The following SLC66A2 variants were observed in gnomAD, a reference collection of about 807,000 sequenced individuals.
The protein encoded by SLC66A2 is PQ loop repeat containing 1.
A neutral mutation model predicts 25.5 loss-of-function variants in SLC66A2; 23 were observed. The ratio of observed to expected loss-of-function variants is 0.90; its 90% CI spans 0.65 to 1.28. The LOEUF is 1.28. Ranked by LOEUF, SLC66A2 falls within the 50% of genes most tolerant of loss-of-function variation. The pLI is 0.00. For missense variants in SLC66A2, 396 were observed against 373.1 expected (o/e 1.06, Z -0.51); for synonymous variants, 193 against 166.5 (o/e 1.16, Z -1.23).
intron 5 of SLC66A2, among the ~76,000 whole-genome samples, chr18:79,907,148 T>C (rs1311554297): frequency 6.6e-6 from 1 of 152,220 alleles, no homozygotes. Flanking sequence ...CTTTAATTGG[T>C]ATGATTAGGC....
intron 2 of SLC66A2, chr18:79,943,703 T>C: frequency 2.3e-6 from 1 of 425,792 alleles, no homozygotes; most frequent in Non-Finnish European, 4.2e-6. Flanking sequence ...CCTCTCCTGG[T>C]CCCAAACCTG....
chr18:79,928,553 G>A (rs374850505), intron 4 of SLC66A2, among the ~76,000 whole-genome samples: 4 of 152,258 alleles, frequency 2.6e-5, no homozygotes, highest in East Asian at 3.9e-4. Flanking sequence ...AGTCCCTAAC[G>A]TGTCTTAGGG....
At position 79,909,035 on chromosome 18, in the gene SLC66A2, A is replaced by G. The variant is rs187513992; in HGVS notation, c.609-4852T>C. ...AGCTGAGAAACTCAACTCTTCATAC[A>G]TAACTTTGGTTTTTATCTTGGACAT... On this transcript the variant is annotated intron_variant, in intron 5 of 5. Transcript: ENST00000397778. 1.1e-3 allele frequency among the ~76,000 whole-genome samples: 171 copies of G among 152,308 alleles called. 1 individual carries two copies. The highest frequency in any genetic ancestry group is 3.2e-3 in the African/African-American group (134 of 41,556).
chr18:79,906,349 T>C (rs1472278573), intron 5 of SLC66A2, among the ~76,000 whole-genome samples: 1 of 152,264 alleles, frequency 6.6e-6, no homozygotes, highest in Non-Finnish European at 1.5e-5. Context: ...AGAACTTTTT[T>C]CTAAAATCAG....
At chr18:79,906,127 G>A (rs1275224244) in intron 5 of SLC66A2, among the ~76,000 whole-genome samples, 1 of 152,194 alleles carries the variant, frequency 6.6e-6, no homozygotes, top group Non-Finnish European at 1.5e-5. Context: ...ACCAAATACT[G>A]GGGATCTGTG....
rs552970978 is a variant in SLC66A2, at chr18:79,905,110, C to G, written c.609-927G>C. ...GCAGGAGACAGCCGGCATCTGCACC[C>G]CCTCCTCTCTCCCAAGCCCACAGTG... On this transcript the variant is annotated intron_variant, in intron 5 of 5. Transcript: ENST00000397778. 1.4e-3 allele frequency among the ~76,000 whole-genome samples: 216 copies of G among 152,338 alleles called. 1 individual carries two copies. The highest frequency in any genetic ancestry group is 1.5e-3 in the Non-Finnish European group (100 of 68,016).
intron 5 of SLC66A2, among the ~76,000 whole-genome samples, chr18:79,911,144 G>A (rs1169624574): frequency 1.3e-5 from 2 of 152,230 alleles, no homozygotes; most frequent in South Asian, 2.1e-4. Flanking sequence ...GAGGGAAATC[G>A]GGGGTCGGGG....
chr18:79,933,537 GA>G (rs1326902991), intron 4 of SLC66A2, among the ~76,000 whole-genome samples: 1 of 152,144 alleles, frequency 6.6e-6, no homozygotes, highest in Non-Finnish European at 1.5e-5. Flanking sequence ...CAGTTCAGCA[GA>G]ATTGCATGAT....
In SLC66A2 at chr18:79,904,034, C is replaced by T. The variant is rs756418494; in HGVS notation, c.758G>A (p.Arg253His). The T allele has an allele frequency of 4.9e-5, 79 of 1,604,934 alleles. 3 individuals carry two copies. In the East Asian group the frequency reaches 1.5e-3, roughly 31 times the overall value. Residue 253 changes from arginine (R) to histidine (H), a missense_variant, in exon 6 of 6, where the codon CGC (arginine) becomes CAC (histidine). Coordinates refer to ENST00000397778, the MANE Select transcript of SLC66A2 (RefSeq NM_025078.5). This position sits in a 1 kb window ranked among gnomAD's most constrained non-coding sequence, Gnocchi z 6.3. ...AILGQAYAFA[R>H]HPQKPAPHAV... Reference sequence around the variant, plus strand: ...GTGGGGCGCCGGCTTCTGGGGGTGGCGGGCGAAGGCGTAGGCCTGCCCCAG... The same window carrying T: ...GTGGGGCGCCGGCTTCTGGGGGTGGTGGGCGAAGGCGTAGGCCTGCCCCAG...
At chr18:79,947,121 T>C (rs1217574965) in intron 2 of SLC66A2, 4 of 152,260 alleles carry the variant, frequency 2.6e-5, no homozygotes, top group African/African-American at 9.6e-5. Flanking sequence ...GGTGCTACTG[T>C]GGGTGGAGCT....
chr18:79,938,183 T>C (rs1599632783), intron 3 of SLC66A2, among the ~76,000 whole-genome samples: 3 of 150,964 alleles, frequency 2.0e-5, no homozygotes, highest in East Asian at 1.9e-4. Context: ...AAGAAAAACC[T>C]GCAGGAAGGA....
intron 4 of SLC66A2, among the ~76,000 whole-genome samples, chr18:79,931,171 A>G (rs9950208): frequency 0.9 from 136,399 of 152,268 alleles, 63,077 homozygotes; most frequent in East Asian, 1. Flanking sequence ...GAAAAGGCAT[A>G]GGATATACAG....
chr18:79,951,514 C>A (rs1314933454), intron 1 of SLC66A2, 67 bp downstream of exon 1: 1 of 152,240 alleles, frequency 6.6e-6, no homozygotes, highest in Non-Finnish European at 1.5e-5. Flanking sequence ...CCAACTGCCC[C>A]GGCCCTGCGT....
intron 5 of SLC66A2, among the ~76,000 whole-genome samples, chr18:79,908,896 C>T (rs1982522829): frequency 6.6e-6 from 1 of 152,176 alleles, no homozygotes; most frequent in Non-Finnish European, 1.5e-5. Context: ...CCGTTCATTC[C>T]AAGAACGTTT....
chr18:79,939,203 G>A (rs187462585), intron 3 of SLC66A2, among the ~76,000 whole-genome samples: 120 of 152,222 alleles, frequency 7.9e-4, no homozygotes, highest in African/African-American at 2.7e-3. Flanking sequence ...TATTTCATTA[G>A]GTCGTCTGAC....
In SLC66A2 at chr18:79,904,093, G is replaced by T. The variant is rs756153339; in HGVS notation, c.699C>A (p.Cys233Ter). 6.2e-7 allele frequency: 1 copy of T among 1,612,596 alleles called. No individual in the cohort carries two copies. The highest frequency in any genetic ancestry group is 8.5e-7 in the Non-Finnish European group (1 of 1,179,714). ...LKGAPLQFSV[C>*]GLLQVLVDLA... ...GGTCCACCAGCACCTGCAGCAGGCC[G>T]CACACGGAGAACTGCAGAGGGGCAC... The change falls in exon 6 of 6, where the codon TGC becomes TGA. Residue 233 changes from cysteine (C) to a stop codon, truncating the protein, a stop_gained. Transcript: ENST00000397778. LOFTEE classifies it high-confidence loss of function. The surrounding 1 kb of genome is among the most constrained non-coding windows in gnomAD (Gnocchi z 6.3).
At chr18:79,939,349 G>A (rs1987427672) in intron 3 of SLC66A2, among the ~76,000 whole-genome samples, 1 of 152,126 alleles carries the variant, frequency 6.6e-6, no homozygotes, top group Non-Finnish European at 1.5e-5. Flanking sequence ...TCAGGGTGAG[G>A]CTCAAGAATG....
At position 79,917,902 on chromosome 18, in the gene SLC66A2, C is replaced by T. The variant is rs1254466362; in HGVS notation, c.608+1282G>A. Among the ~76,000 whole-genome samples, 1 of 151,828 alleles carries T rather than the reference C, an allele frequency of 6.6e-6. No individual in the cohort carries two copies. Among genetic ancestry groups the T allele is most frequent in the African/African-American group, 2.4e-5 (1 of 41,306 alleles). ...CCCCACACCTGACCCATGCCCCACA[C>T]CTCTACCTACAGCCCACACCGGAAC... On this transcript the variant is annotated intron_variant, in intron 5 of 5. Coordinates refer to ENST00000397778, the MANE Select transcript of SLC66A2 (RefSeq NM_025078.5). This position sits in a 1 kb window ranked among gnomAD's most constrained non-coding sequence, Gnocchi z 6.0.
Position 79,922,891 on chromosome 18 carries a change from C to T in SLC66A2, c.392-3491G>A, listed in dbSNP as rs1426695256. 7.5e-5 allele frequency among the ~76,000 whole-genome samples: 9 copies of T among 120,070 alleles called. No individual in the cohort carries two copies. The Admixed American group carries it at 7.9e-4, about 11-fold the overall frequency. The allele number at this position is 120,070 out of a possible 152,430, so 78.8% of individuals were successfully genotyped here. On this transcript the variant is annotated intron_variant, in intron 4 of 5. Coordinates refer to ENST00000397778, the MANE Select transcript of SLC66A2 (RefSeq NM_025078.5). ...TGGGGGCATCAGAGGGCAGAGAGGC[C>T]AGGGGTGTCGGGGGCCGGCTGCCTG...
Sources: gnomAD v4.1 joint callset for allele counts (sites outside exome capture counted in the v4.1 genomes callset) on GRCh38, gnomAD v4.1.1 for gene constraint, Gnocchi (gnomAD v3.1) non-coding constraint, MANE v1.5 for transcripts, NCBI Gene and HGNC (gene_info 2026-07-23, HGNC 2026-07-21) for gene names.